Variants in TDRD9 observed in about 807,000 individuals in gnomAD.
TDRD9 encodes tudor domain containing 9, also known as ATP-dependent RNA helicase TDRD9.
A neutral mutation model predicts 172.6 loss-of-function variants in TDRD9; 124 were observed. The ratio of observed to expected loss-of-function variants is 0.72; its 90% confidence interval spans 0.62 to 0.83. The LOEUF (loss-of-function observed/expected upper bound fraction) is 0.83. Among genes scored for constraint, TDRD9 ranks in the 40% least tolerant of loss-of-function variants. The pLI is 0.00. For missense variants in TDRD9, 1,479 were observed against 1,714.1 expected (o/e 0.86, Z 2.42); for synonymous variants, 619 against 617.1 (o/e 1.00, Z -0.05).
At chr14:103,969,188 ACTGCT>A (rs2032910306) in intron 5 of TDRD9, among the ~76,000 whole-genome samples, 1 of 140,366 alleles carries the variant, frequency 7.1e-6, no homozygotes, top group African/African-American at 2.7e-5. Context: ...TTTTTTGAGT[ACTGCT>A]ATGGAAAAGG....
intron 13 of TDRD9, among the ~76,000 whole-genome samples, chr14:104,001,263 C>T (rs2034251938): frequency 6.6e-6 from 1 of 152,186 alleles, no homozygotes; most frequent in Admixed American, 6.5e-5. Flanking sequence ...ACTGGTGACC[C>T]GTCTTCATCT....
At position 104,014,188 on chromosome 14, in the gene TDRD9, C is replaced by T. The variant is rs191489169; in HGVS notation, c.2107-537C>T. On this transcript the variant is annotated intron_variant, in intron 20 of 35. Transcript: ENST00000409874. ...AGCTTGCAGTGAACCAAGCTGTGAT[C>T]GCGCCACTGCACTCCAGCCTGGACA... Among the ~76,000 whole-genome samples the T allele has an allele frequency of 3.1e-4, 44 of 142,146 alleles. No individual in the cohort carries two copies. In the East Asian group the frequency reaches 4.7e-3, roughly 15 times the overall value. 93.3% of individuals were successfully genotyped at this position (142,146 alleles called of 152,430 possible).
At position 104,052,022 on chromosome 14, in the gene TDRD9, C is replaced by T. The variant is rs2035949226; in HGVS notation, c.4089C>T (p.Ser1363=). 1.9e-6 allele frequency: 3 copies of T among 1,597,024 alleles called. No individual in the cohort carries two copies. The highest frequency in any genetic ancestry group is 8.5e-7 in the Non-Finnish European group (1 of 1,171,616). The part of the protein sequence containing the change: ...KLVMEQADRE[S]SRGKNTFLYQ... Reference sequence around the variant, plus strand: ...TCATGGAGCAGGCCGACCGTGAGAGCAGCAGAGGGAAGAACACCTTTCTCT... The same window carrying T: ...TCATGGAGCAGGCCGACCGTGAGAGTAGCAGAGGGAAGAACACCTTTCTCT... The change falls in exon 36 of 36, where the codon AGC becomes AGT. Residue 1363 remains serine, a synonymous_variant. Coordinates refer to ENST00000409874, the MANE Select transcript of TDRD9 (RefSeq NM_153046.3).
At chr14:103,974,969 A>T (rs907916587) in intron 6 of TDRD9, among the ~76,000 whole-genome samples, 1 of 151,916 alleles carries the variant, frequency 6.6e-6, no homozygotes, top group African/African-American at 2.4e-5. Context: ...CAGTGGTCTC[A>T]TGTTGTTGCT....
chr14:103,931,801 T>A (rs1270835495), intron 1 of TDRD9, among the ~76,000 whole-genome samples: 1 of 152,198 alleles, frequency 6.6e-6, no homozygotes, highest in Admixed American at 6.5e-5. Context: ...TCTGATCACA[T>A]GAGCCCTTAA....
chr14:103,940,711 G>A (rs1034956925), intron 1 of TDRD9: 1 of 818,546 alleles, frequency 1.2e-6, no homozygotes, highest in East Asian at 2.7e-5. Context: ...TACTGACCTT[G>A]TAACAAAGAA....
rs983518736 is a variant in TDRD9, at chr14:104,034,083, C to T, written c.3619+14C>T. The T allele has an allele frequency of 6.7e-7, 1 of 1,498,090 alleles. No individual in the cohort carries two copies. Among genetic ancestry groups the T allele is most frequent in the East Asian group, 2.5e-5 (1 of 40,572 alleles). 92.8% of individuals were successfully genotyped at this position (1,498,090 alleles called of 1,614,324 possible). On this transcript the variant is annotated intron_variant, in intron 31 of 35. Transcript: ENST00000409874. ...TCAATGCGACTGGTAATTTAAAGAT[C>T]CTGTTTATTCCTTGTCCTCTCTTTT... is the stretch of plus-strand genomic sequence containing the variant.
chr14:103,941,149 TTATATC>T (rs2031204947), intron 1 of TDRD9: 1 of 1,376,050 alleles, frequency 7.3e-7, no homozygotes, highest in Non-Finnish European at 9.8e-7. Flanking sequence ...ACATTTTTTG[TTATATC>T]TCTTTATCTC....
At chr14:103,945,796 T>C (rs193000685) in intron 1 of TDRD9, among the ~76,000 whole-genome samples, 4 of 152,250 alleles carry the variant, frequency 2.6e-5, no homozygotes, top group Admixed American at 6.5e-5. Context: ...TGTAAGGAAG[T>C]ACATAAAAAG....
rs1432013776 is a variant in TDRD9 at position 103,991,827 on chromosome 14, A to G, written c.1180+603A>G. 3.4e-5 allele frequency among the ~76,000 whole-genome samples: 5 copies of G among 148,124 alleles called. No individual in the cohort carries two copies. The South Asian group carries it at 8.6e-4, about 25-fold the overall frequency. ...GGCAGGGGTACAGTGGCAAAATCTT[A>G]GCTCACTGCAACCTCTGCCTCCTGG... On this transcript the variant is annotated intron_variant, in intron 9 of 35. Transcript: ENST00000409874.
At chr14:104,014,657 C>A in intron 20 of TDRD9, 68 bp from the exon 21 acceptor site, 1 of 837,966 alleles carries the variant, frequency 1.2e-6, no homozygotes, top group Non-Finnish European at 2.0e-6. Context: ...CACTTATTTT[C>A]TAGTGTTTTC....
At chr14:103,939,981 A>G (rs984036107) in intron 1 of TDRD9, 2 of 151,652 alleles carry the variant, frequency 1.3e-5, no homozygotes, top group Non-Finnish European at 2.9e-5. Context: ...TCAAATATAA[A>G]GTTATAATTA....
In TDRD9 at chr14:103,953,321, C is replaced by A. The variant is rs1278456196; in HGVS notation, c.216-2343C>A. ...AGCCACCCAGGCATCTTGACTCTCT[C>A]AGCTGCACCTGGTACACTGTTATTG... On this transcript the variant is annotated intron_variant, in intron 1 of 35. Transcript: ENST00000409874. Among the ~76,000 whole-genome samples the A allele has an allele frequency of 4.6e-5, 7 of 152,212 alleles. No homozygotes were observed. In the East Asian group the frequency reaches 1.3e-3, roughly 29 times the overall value.
At chr14:104,046,879 T>C (rs528045251) in intron 34 of TDRD9, among the ~76,000 whole-genome samples, 15 of 152,016 alleles carry the variant, frequency 9.9e-5, no homozygotes, top group African/African-American at 3.4e-4. Context: ...ATCTCCTGAC[T>C]TTGTGATCCG....
chr14:103,948,559 A>G (rs1319271584), intron 1 of TDRD9, among the ~76,000 whole-genome samples: 5 of 152,226 alleles, frequency 3.3e-5, no homozygotes, highest in Non-Finnish European at 5.9e-5. Flanking sequence ...TCATAACATC[A>G]TTATTCACAA....
intron 1 of TDRD9, among the ~76,000 whole-genome samples, chr14:103,953,125 A>C (rs553801929): frequency 6.6e-4 from 101 of 152,270 alleles, no homozygotes; most frequent in African/African-American, 2.3e-3. Context: ...GTTAAACTAA[A>C]AGTCAGATAT....
At chr14:103,966,653 T>C (rs942675757) in intron 4 of TDRD9, 56 bp from the exon 5 acceptor site, 1 of 1,441,662 alleles carries the variant, frequency 6.9e-7, no homozygotes, top group African/African-American at 1.4e-5. Context: ...ATTAATAAAA[T>C]GGACATAACT....
chr14:104,044,850 GA>G (rs2035718969), intron 34 of TDRD9, among the ~76,000 whole-genome samples: 1 of 152,132 alleles, frequency 6.6e-6, no homozygotes, highest in African/African-American at 2.4e-5. Flanking sequence ...AATCTTTTAA[GA>G]AAAGGCCAGG....
At chr14:103,956,265 C>T (rs2032238032) in intron 2 of TDRD9, among the ~76,000 whole-genome samples, 1 of 149,752 alleles carries the variant, frequency 6.7e-6, no homozygotes, top group Non-Finnish European at 1.5e-5. Flanking sequence ...GGGTAAAACC[C>T]CGTCTCTACT....
Sources: allele counts gnomAD v4.1 joint callset (sites outside exome capture counted in the v4.1 genomes callset), GRCh38; gene constraint gnomAD v4.1.1; transcripts MANE v1.5; gene names NCBI Gene and HGNC (gene_info 2026-07-23, HGNC 2026-07-21).